The following DCDC1 variants were observed in gnomAD, a reference collection of about 807,000 sequenced individuals.
DCDC1 encodes doublecortin domain containing 1, also known as doublecortin domain-containing protein 1.
In DCDC1, 200 loss-of-function variants were observed where a neutral mutation model predicts 178.3. The observed-to-expected ratio is 1.12, with a 90% confidence interval of 1.00 to 1.26. The LOEUF (loss-of-function observed/expected upper bound fraction) is 1.26, where lower values mean the gene tolerates loss of function less well. DCDC1 is among the 50% of genes most tolerant of loss of function. The pLI is 0.00. For synonymous variants in DCDC1, 690 were observed against 604.8 expected (o/e 1.14, Z -2.07); for missense variants, 1,983 against 1,749.2 (o/e 1.13, Z -2.38).
chr11:30,871,925 T>C (rs1018300471), intron 38 of DCDC1, among the ~76,000 whole-genome samples: 1 of 151,976 alleles, frequency 6.6e-6, no homozygotes, highest in Non-Finnish European at 1.5e-5. Flanking sequence ...TGTACACATA[T>C]ATACATACAC....
chr11:31,031,708 A>C (rs1953663134), intron 20 of DCDC1, among the ~76,000 whole-genome samples: 1 of 152,110 alleles, frequency 6.6e-6, no homozygotes, highest in African/African-American at 2.4e-5. Flanking sequence ...TTGTGAAAAT[A>C]ATTTAATCAT....
In DCDC1 at chr11:30,883,661, C is replaced by G. The variant is rs147794459; in HGVS notation, c.5083-2353G>C. 4.4e-3 allele frequency: 904 copies of G among 206,784 alleles called. 5 individuals carry two copies. Among genetic ancestry groups the G allele is most frequent in the African/African-American group, 0.02 (857 of 42,216 alleles). The allele number at this position is 206,784 out of a possible 1,614,324, so 12.8% of individuals were successfully genotyped here. A position where few individuals can be genotyped will look rare whatever the true frequency, so the allele number is the denominator to read the frequency against. ...ACACTGAATACCAAAGAAAATGAAG[C>G]AAAATCTATGAAGTTATGAAGTTTT... On this transcript the variant is annotated intron_variant, in intron 36 of 38. Coordinates refer to ENST00000684477, the MANE Select transcript of DCDC1 (RefSeq NM_001387274.1).
At chr11:30,963,636 G>A (rs2134601625) in intron 20 of DCDC1, among the ~76,000 whole-genome samples, 1 of 152,220 alleles carries the variant, frequency 6.6e-6, no homozygotes, top group East Asian at 1.9e-4. Flanking sequence ...TGGACTAACT[G>A]CTTTAGAGCC....
At chr11:31,173,319 A>G (rs1591304304) in intron 9 of DCDC1, among the ~76,000 whole-genome samples, 2 of 152,206 alleles carry the variant, frequency 1.3e-5, no homozygotes, top group East Asian at 1.9e-4. Flanking sequence ...GCATGGTACA[A>G]TTACGGATAT....
chr11:31,185,416 AAAATAAAT>A (rs1213974243), intron 9 of DCDC1, among the ~76,000 whole-genome samples: 4 of 152,182 alleles, frequency 2.6e-5, no homozygotes, highest in African/African-American at 9.6e-5. Context: ...AATAAAAAAG[AAAATAAAT>A]AAATAAAATA....
At position 31,116,733 on chromosome 11, in the gene DCDC1, T is replaced by G. The variant is rs1481753304; in HGVS notation, c.1486-6372A>C. On this transcript the variant is annotated intron_variant, in intron 11 of 38. Coordinates refer to ENST00000684477, the MANE Select transcript of DCDC1 (RefSeq NM_001387274.1). ...ATATAAGAAAAAGTGTTTTAATGCC[T>G]AATACATATGTCTTTAAATATTATT... 7.2e-5 allele frequency among the ~76,000 whole-genome samples: 11 copies of G among 152,240 alleles called. No individual in the cohort carries two copies. In the South Asian group the frequency reaches 2.3e-3, roughly 32 times the overall value.
chr11:31,045,087 C>A (rs963811455), intron 20 of DCDC1, among the ~76,000 whole-genome samples: 2 of 152,100 alleles, frequency 1.3e-5, no homozygotes, highest in African/African-American at 4.8e-5. Context: ...AATATAAAAT[C>A]TTATGTCTTA....
intron 1 of DCDC1, among the ~76,000 whole-genome samples, chr11:31,344,224 A>T (rs530835121): frequency 6.6e-6 from 1 of 152,330 alleles, no homozygotes; most frequent in South Asian, 2.1e-4. Flanking sequence ...TTTGACTGAC[A>T]CTAAATACTA....
intron 27 of DCDC1, among the ~76,000 whole-genome samples, chr11:30,914,522 C>G (rs987378027): frequency 6.6e-6 from 1 of 152,004 alleles, no homozygotes; most frequent in Middle Eastern, 3.2e-3. Flanking sequence ...TTAAAGAGGT[C>G]CCTGGAGGCC....
At chr11:30,912,894 T>C (rs1945545502) in intron 27 of DCDC1, among the ~76,000 whole-genome samples, 1 of 152,206 alleles carries the variant, frequency 6.6e-6, no homozygotes. Flanking sequence ...TTAACATAAA[T>C]GCAATTTTCC....
At chr11:30,899,392 C>G in intron 34 of DCDC1, 149 bp downstream of exon 34, 1 of 470,252 alleles carries the variant, frequency 2.1e-6, no homozygotes, top group Non-Finnish European at 3.5e-6. Context: ...TTAGACTTTG[C>G]TCAAATGATT....
At chr11:31,011,064 G>C (rs1565180254) in intron 20 of DCDC1, among the ~76,000 whole-genome samples, 1 of 152,064 alleles carries the variant, frequency 6.6e-6, no homozygotes. Flanking sequence ...TAAAAATTTA[G>C]TGAGGTAATA....
chr11:31,010,514 G>A (rs1045980039), intron 20 of DCDC1, among the ~76,000 whole-genome samples: 3 of 152,178 alleles, frequency 2.0e-5, no homozygotes, highest in African/African-American at 4.8e-5. Flanking sequence ...CTCAAATAAT[G>A]TTATGTAATG....
At chr11:31,344,803 A>G (rs1012046087) in intron 1 of DCDC1, among the ~76,000 whole-genome samples, 4 of 152,178 alleles carry the variant, frequency 2.6e-5, no homozygotes, top group African/African-American at 9.6e-5. Context: ...AGAAGCTGGC[A>G]CTTTAAAAAA....
At chr11:30,899,155 C>G (rs1944467179) in intron 34 of DCDC1, among the ~76,000 whole-genome samples, 1 of 151,782 alleles carries the variant, frequency 6.6e-6, no homozygotes, top group Non-Finnish European at 1.5e-5. Flanking sequence ...AAAAAAACTT[C>G]TTCCCCAGCA....
At chr11:31,359,376 T>G (rs948325626) in intron 1 of DCDC1, among the ~76,000 whole-genome samples, 2 of 132,456 alleles carry the variant, frequency 1.5e-5, no homozygotes, top group Non-Finnish European at 3.0e-5. Context: ...TAGGTGGGAA[T>G]TGAACAATGA....
chr11:30,905,256 G>T (rs2134137991), intron 30 of DCDC1, 92 bp from the exon 31 acceptor site: 2 of 1,278,784 alleles, frequency 1.6e-6, no homozygotes, highest in East Asian at 5.1e-5. Flanking sequence ...GTGTATACGT[G>T]TGTGGTGTCT....
intron 15 of DCDC1, among the ~76,000 whole-genome samples, chr11:31,096,022 AT>A (rs954429853): frequency 2.0e-5 from 3 of 152,188 alleles, no homozygotes; most frequent in African/African-American, 7.2e-5. Context: ...GTAGCAAATT[AT>A]TTTTTTAATG....
chr11:31,017,374 T>C (rs1320061453), intron 20 of DCDC1, among the ~76,000 whole-genome samples: 1 of 152,212 alleles, frequency 6.6e-6, no homozygotes, highest in African/African-American at 2.4e-5. Context: ...ATATGGTTTC[T>C]CTTTCTTGTG....
Sources: allele counts gnomAD v4.1 joint callset (sites outside exome capture counted in the v4.1 genomes callset), GRCh38; gene constraint gnomAD v4.1.1; transcripts MANE v1.5; gene names NCBI Gene and HGNC (gene_info 2026-07-23, HGNC 2026-07-21).